POU3F3: variants seen among roughly 807,000 people sequenced by gnomAD.
POU3F3 encodes POU class 3 homeobox 3.
POU3F3 carries 1 observed loss-of-function variant against 8.6 expected under a neutral mutation model. The observed-to-expected ratio is 0.12, with a 90% CI of 0.04 to 0.55. The LOEUF (loss-of-function observed/expected upper bound fraction) is 0.55. Ranked by LOEUF, POU3F3 falls within the 20% of genes least tolerant of loss-of-function variation. The probability of loss-of-function intolerance (pLI) is 0.91; values close to 1 mark genes in which losing one functional copy is unlikely to be tolerated. For missense variants in POU3F3, 577 were observed against 690.7 expected, an observed-to-expected ratio of 0.84 and a Z score of 1.84; for synonymous variants, 418 against 327.4, an observed-to-expected ratio of 1.28 and a Z score of -2.99.
At chr2:104,886,811 G>T in the POU3F3 span, among the ~76,000 whole-genome samples, 1 of 152,048 alleles carries the variant, frequency 6.6e-6, no homozygotes, top group African/African-American at 2.4e-5. Context: ...TGGAGGCTGA[G>T]GCAGGAGAAT....
the POU3F3 span, among the ~76,000 whole-genome samples, chr2:104,900,991 T>G: frequency 6.6e-6 from 1 of 152,254 alleles, no homozygotes; most frequent in East Asian, 1.9e-4. Context: ...CCACTTTACC[T>G]CTGTTTTCTG....
chr2:104,894,464 G>T, the POU3F3 span, among the ~76,000 whole-genome samples: 1 of 152,188 alleles, frequency 6.6e-6, no homozygotes, highest in Non-Finnish European at 1.5e-5. Flanking sequence ...ACAGCCCCAT[G>T]GTTGATGGAT....
chr2:104,865,164 G>A, the POU3F3 span, among the ~76,000 whole-genome samples: 4 of 152,294 alleles, frequency 2.6e-5, no homozygotes, highest in African/African-American at 4.8e-5. Context: ...GTTACCTGGC[G>A]AAACTGAGTC....
downstream of POU3F3, among the ~76,000 whole-genome samples, chr2:104,860,731 A>C (rs1222361857): frequency 7.9e-6 from 1 of 126,572 alleles, no homozygotes; most frequent in Admixed American, 8.3e-5. Flanking sequence ...GAAAATAGTC[A>C]CTTTGCTATT....
chr2:104,892,936 ACCTGTACCAAGG>A, the POU3F3 span, among the ~76,000 whole-genome samples: 49 of 152,186 alleles, frequency 3.2e-4, no homozygotes, highest in Admixed American at 6.5e-4. Context: ...TGAGAGGTTT[ACCTGTACCAAGG>A]CCTGTACAAT....
At chr2:104,879,586 G>A in the POU3F3 span, among the ~76,000 whole-genome samples, 12 of 152,290 alleles carry the variant, frequency 7.9e-5, no homozygotes, top group Non-Finnish European at 1.6e-4. Context: ...GGTGGCTGGT[G>A]ATTGAGTCCT....
Position 104,857,178 on chromosome 2 carries a change from C to T in POU3F3, c.*165C>T, listed in dbSNP as rs1326269919. ...CGGGCTCCAGCCCAGGCCCATCCGC[C>T]GCCCTCCCCTCCACCCAGAGACAGG... On this transcript the variant is annotated 3_prime_UTR_variant, in exon 1 of 1. Transcript: ENST00000361360. 3 of 745,584 alleles carry T rather than the reference C, an allele frequency of 4.0e-6. No homozygotes were observed. The highest frequency in any genetic ancestry group is 4.9e-6 in the Non-Finnish European group (3 of 610,734). 46.2% of individuals were successfully genotyped at this position (745,584 alleles called of 1,614,324 possible). A position where few individuals can be genotyped will look rare whatever the true frequency, so the allele number is the denominator to read the frequency against.
the POU3F3 span, among the ~76,000 whole-genome samples, chr2:104,874,144 C>T: frequency 6.6e-6 from 1 of 152,096 alleles, no homozygotes; most frequent in African/African-American, 2.4e-5. Context: ...AGCAGTGGCC[C>T]CAGGAGAGCT....
chr2:104,866,569 G>C, the POU3F3 span: 1 of 152,174 alleles, frequency 6.6e-6, no homozygotes, highest in Non-Finnish European at 1.5e-5. Flanking sequence ...GGGGCAAAAT[G>C]GTAACTTGAG....
the POU3F3 span, among the ~76,000 whole-genome samples, chr2:104,865,042 A>G: frequency 6.6e-6 from 1 of 152,218 alleles, no homozygotes; most frequent in East Asian, 1.9e-4. Flanking sequence ...CAATTGCCAC[A>G]GTTTTAGAAA....
chr2:104,863,926 G>A, the POU3F3 span, among the ~76,000 whole-genome samples: 1 of 152,340 alleles, frequency 6.6e-6, no homozygotes, highest in Admixed American at 6.5e-5. Flanking sequence ...GGCCGGAGGC[G>A]GCCGGCGGCT....
At chr2:104,872,332 AAGACC>A in the POU3F3 span, 1 of 456,662 alleles carries the variant, frequency 2.2e-6, no homozygotes. This position sits in a 1 kb window ranked among gnomAD's most constrained non-coding sequence, Gnocchi z 4.6. Flanking sequence ...AACATCATCA[AAGACC>A]AGAGCACACA....
the POU3F3 span, among the ~76,000 whole-genome samples, chr2:104,917,808 G>C: frequency 6.6e-6 from 1 of 152,138 alleles, no homozygotes; most frequent in South Asian, 2.1e-4. Flanking sequence ...CCCTTGCTGG[G>C]GGGTTGCCCT....
chr2:104,892,923 C>G, the POU3F3 span, among the ~76,000 whole-genome samples: 3 of 151,966 alleles, frequency 2.0e-5, no homozygotes, highest in Non-Finnish European at 4.4e-5. Flanking sequence ...GGACAGCTCT[C>G]TTTGAGAGGT....
Position 104,855,105 on chromosome 2 carries a change from G to C in POU3F3, c.-406G>C, listed in dbSNP as rs1257979736. Among the ~76,000 whole-genome samples, 1 of 151,776 alleles carries C rather than the reference G, an allele frequency of 6.6e-6. No homozygotes were observed. Among genetic ancestry groups the C allele is most frequent in the African/African-American group, 2.4e-5 (1 of 41,384 alleles). On this transcript the variant is annotated 5_prime_UTR_variant, in exon 1 of 1. Transcript: ENST00000361360. ...CCCGCCCGGCGAGCCCCGCTGGAGCGAGCCCAGCGCGCCGGGGCTGGGGGG... is the reference window on the plus strand; with the variant it reads ...CCCGCCCGGCGAGCCCCGCTGGAGCCAGCCCAGCGCGCCGGGGCTGGGGGG...
chr2:104,878,633 G>A, the POU3F3 span, among the ~76,000 whole-genome samples: 1 of 152,122 alleles, frequency 6.6e-6, no homozygotes, highest in Admixed American at 6.5e-5. Flanking sequence ...ACAAGGCTGG[G>A]GCAAATCCTG....
the POU3F3 span, among the ~76,000 whole-genome samples, chr2:104,927,038 G>T: frequency 2.6e-5 from 4 of 152,124 alleles, no homozygotes; most frequent in Admixed American, 2.0e-4. Context: ...AACCACCATG[G>T]TGTGTGTATA....
upstream of POU3F3, chr2:104,853,941 A>C (rs1299412635): frequency 6.6e-6 from 1 of 152,092 alleles, no homozygotes; most frequent in Non-Finnish European, 1.5e-5. Flanking sequence ...CGCTCTGCCT[A>C]AATTAAAAAG....
At chr2:104,880,672 C>G in the POU3F3 span, among the ~76,000 whole-genome samples, 2 of 152,212 alleles carry the variant, frequency 1.3e-5, no homozygotes, top group Admixed American at 6.5e-5. Context: ...AGAAACACCT[C>G]TTCACTCCAT....
Sources: allele counts gnomAD v4.1 joint callset (sites outside exome capture counted in the v4.1 genomes callset), GRCh38; gene constraint gnomAD v4.1.1; non-coding constraint Gnocchi (gnomAD v3.1); transcripts MANE v1.5; gene names NCBI Gene and HGNC (gene_info 2026-07-23, HGNC 2026-07-21).